ZNF544: variants seen among roughly 807,000 people sequenced by gnomAD.
ZNF544 encodes the protein zinc finger protein 544, also known as zinc finger protein AF020591.
In ZNF544, 10 loss-of-function variants were observed where a neutral mutation model predicts 13.5. The observed-to-expected ratio is 0.74, with a 90% CI of 0.46 to 1.25. ZNF544 has a LOEUF of 1.25. Ranked by LOEUF, ZNF544 falls within the 50% of genes most tolerant of loss-of-function variation. The pLI, the probability that ZNF544 is intolerant of heterozygous loss-of-function variation, is 0.00. For missense variants in ZNF544, 896 were observed against 845.6 expected (o/e 1.06, Z -0.74); for synonymous variants, 323 against 300.5 (o/e 1.07, Z -0.77).
rs2146995498 is a variant in ZNF544 at position 58,244,121 on chromosome 19, G to C, written c.33+65G>C. On this transcript the variant is annotated intron_variant, in intron 4 of 6. Transcript: ENST00000687789. ...TAGATGTAAAATGGGTCCAGGAATA[G>C]CACCCGCCCCTGCAGGCTGTCACAC... 2.8e-6 allele frequency: 4 copies of C among 1,418,608 alleles called. No individual in the cohort carries two copies. In the Middle Eastern group the frequency reaches 5.4e-4, roughly 192 times the overall value. The allele number at this position is 1,418,608 out of a possible 1,614,324, so 87.9% of individuals were successfully genotyped here. A position where few individuals can be genotyped will look rare whatever the true frequency, so the allele number is the denominator to read the frequency against.
chr19:58,241,179 A>ATTTT (rs57421577), intron 3 of ZNF544, among the ~76,000 whole-genome samples: 6 of 72,774 alleles, frequency 8.2e-5, no homozygotes, highest in East Asian at 4.0e-4. Context: ...ATATATATAT[A>ATTTT]TTTTTTTTTT....
At chr19:58,253,740 A>G (rs1306566793) in intron 6 of ZNF544, among the ~76,000 whole-genome samples, 1 of 152,146 alleles carries the variant, frequency 6.6e-6, no homozygotes, top group South Asian at 2.1e-4. Context: ...ATGCCCGGCC[A>G]AACTAGTCTC....
At chr19:58,256,406 C>T (rs1323631158) in intron 6 of ZNF544, among the ~76,000 whole-genome samples, 3 of 151,944 alleles carry the variant, frequency 2.0e-5, no homozygotes, top group Non-Finnish European at 2.9e-5. Context: ...AAAATTCTCT[C>T]GGCCTCGAGG....
intron 6 of ZNF544, among the ~76,000 whole-genome samples, chr19:58,252,630 T>TA (rs1425583755): frequency 6.6e-6 from 1 of 152,222 alleles, no homozygotes; most frequent in Non-Finnish European, 1.5e-5. Context: ...TAGCACATCT[T>TA]TTTTGGCACC....
Position 58,261,867 on chromosome 19 carries a change from T to C in ZNF544, c.1261T>C (p.Ser421Pro), listed in dbSNP as rs2147704020. ...DLCGKSFTQR[S>P]KLITHQRIHT... ...GTGTGGGAAATCCTTCACCCAGAGA[T>C]CCAAACTTATTACACATCAGCGAAT... Residue 421 changes from serine to proline, a missense_variant, in exon 7 of 7, where the codon TCC (serine) becomes CCC (proline). Coordinates refer to ENST00000687789, the MANE Select transcript of ZNF544 (RefSeq NM_014480.4). The C allele has an allele frequency of 6.2e-7, 1 of 1,612,064 alleles. No homozygotes were observed. The highest frequency in any genetic ancestry group is 1.1e-5 in the South Asian group (1 of 91,018).
intron 5 of ZNF544, among the ~76,000 whole-genome samples, chr19:58,270,143 T>C (rs924632645): frequency 1.3e-5 from 2 of 152,162 alleles, no homozygotes; most frequent in African/African-American, 4.8e-5. Context: ...AAGGTAACTT[T>C]AGAAAGTAGT....
chr19:58,228,973 T>G (rs260438), intron 1 of ZNF544, 27 bp downstream of exon 1: 24,094 of 152,334 alleles, frequency 0.16, 2,363 homozygotes, highest in East Asian at 0.35. Context: ...CAAGGTTGGC[T>G]CGGAGGTTTC....
chr19:58,266,601 G>A (rs1319692617), downstream of ZNF544: 1 of 152,148 alleles, frequency 6.6e-6, no homozygotes, highest in Admixed American at 6.6e-5. Context: ...GGTCAGGCGA[G>A]GAGAGGCTGT....
intron 3 of ZNF544, among the ~76,000 whole-genome samples, chr19:58,240,856 A>T (rs1241045180): frequency 2.6e-5 from 4 of 151,830 alleles, no homozygotes; most frequent in African/African-American, 9.6e-5. Context: ...GGCAGTGTGA[A>T]CATTCCAGTA....
intron 6 of ZNF544, among the ~76,000 whole-genome samples, chr19:58,249,872 C>T (rs1415869593): frequency 6.6e-6 from 1 of 152,086 alleles, no homozygotes; most frequent in Non-Finnish European, 1.5e-5. Context: ...TCCATAAAAT[C>T]CTTGGAAAAG....
chr19:58,242,629 T>C (rs1045279581), intron 3 of ZNF544, among the ~76,000 whole-genome samples: 96 of 151,596 alleles, frequency 6.3e-4, no homozygotes, highest in African/African-American at 2.2e-3. Flanking sequence ...TCATCTCATC[T>C]CAGCCCCTAC....
Position 58,262,563 on chromosome 19 carries a change from ACT to A in ZNF544, c.1959_1960del (p.Thr655TrpfsTer2). The A allele has an allele frequency of 1.9e-6, 3 of 1,614,166 alleles. No individual in the cohort carries two copies. The highest frequency in any genetic ancestry group is 2.5e-6 in the Non-Finnish European group (3 of 1,180,016). On this transcript the variant is annotated frameshift_variant, in exon 7 of 7. Coordinates refer to ENST00000687789, the MANE Select transcript of ZNF544 (RefSeq NM_014480.4). LOFTEE classifies it low-confidence loss of function (END_TRUNC). ...RSSYLVMHQR[T>X]HTGEKPFECS... ...CTCCTACCTTGTGATGCATCAGAGAACTCACACTGGTGAGAAACCTTTTGAGT... is the reference window on the plus strand; with the variant it reads ...CTCCTACCTTGTGATGCATCAGAGAACACACTGGTGAGAAACCTTTTGAGT...
downstream of ZNF544, among the ~76,000 whole-genome samples, chr19:58,268,876 C>T (rs1231412785): frequency 6.6e-6 from 1 of 152,052 alleles, no homozygotes; most frequent in Admixed American, 6.6e-5. Flanking sequence ...TAGGATAGGG[C>T]CTAACAAAGA....
intron 3 of ZNF544, among the ~76,000 whole-genome samples, chr19:58,236,478 G>A (rs933789585): frequency 6.6e-6 from 1 of 150,642 alleles, no homozygotes; most frequent in African/African-American, 2.4e-5. Context: ...CTCCAGCCTG[G>A]GCAACAAGAG....
At chr19:58,251,590 G>A (rs1453886083) in intron 6 of ZNF544, among the ~76,000 whole-genome samples, 1 of 152,170 alleles carries the variant, frequency 6.6e-6, no homozygotes, top group African/African-American at 2.4e-5. Flanking sequence ...GAGCTTTTGA[G>A]TTCCAAACTC....
intron 6 of ZNF544, chr19:58,259,056 T>C (rs1156339737): frequency 6.6e-6 from 1 of 152,204 alleles, no homozygotes; most frequent in African/African-American, 2.4e-5. Flanking sequence ...GATTCATTGA[T>C]GCCTCAAAAT....
chr19:58,246,817 G>A, intron 6 of ZNF544, 23 bp downstream of exon 6: 1 of 1,608,992 alleles, frequency 6.2e-7, no homozygotes, highest in East Asian at 2.2e-5. Context: ...CTTGTGGTGA[G>A]CAGCTCAACG....
At position 58,229,495 on chromosome 19, in the gene ZNF544, C is replaced by A. The variant is rs1230948222; in HGVS notation, c.-204C>A. On this transcript the variant is annotated 5_prime_UTR_variant, in exon 2 of 7. Coordinates refer to ENST00000687789, the MANE Select transcript of ZNF544 (RefSeq NM_014480.4). Reference sequence around the variant, plus strand: ...GGCAGCCAAGAGCCTCCTGGCACAGCGGCACCAGGCAGGTGACGCCTATTG... The same window carrying A: ...GGCAGCCAAGAGCCTCCTGGCACAGAGGCACCAGGCAGGTGACGCCTATTG... 1 of 152,296 alleles carries A rather than the reference C, an allele frequency of 6.6e-6. No individual in the cohort carries two copies. The highest frequency in any genetic ancestry group is 2.4e-5 in the African/African-American group (1 of 41,448). The allele number at this position is 152,296 out of a possible 1,614,324, so 9.4% of individuals were successfully genotyped here.
intron 1 of ZNF544, 38 bp downstream of exon 1, chr19:58,228,984 A>T (rs1038104983): frequency 6.6e-5 from 10 of 152,282 alleles, no homozygotes; most frequent in Admixed American, 6.5e-4. Flanking sequence ...CGGAGGTTTC[A>T]CTGTTAGCCG....
Sources: allele counts gnomAD v4.1 joint callset (sites outside exome capture counted in the v4.1 genomes callset), GRCh38; gene constraint gnomAD v4.1.1; transcripts MANE v1.5; gene names NCBI Gene and HGNC (gene_info 2026-07-23, HGNC 2026-07-21).